The following KIF26B variants were observed in gnomAD, a reference collection of about 807,000 sequenced individuals.
KIF26B encodes the protein kinesin-like protein KIF26B.
In KIF26B, 63 loss-of-function variants were observed where a neutral mutation model predicts 151.2. That is an observed-to-expected ratio of 0.42 (90% CI 0.34 to 0.51). KIF26B has a LOEUF of 0.51. Among genes scored for constraint, KIF26B ranks in the 20% least tolerant of loss-of-function variants. The pLI is 0.07. For synonymous variants in KIF26B, 1,357 were observed against 1,262.1 expected (o/e 1.08, Z -1.59); for missense variants, 2,813 against 2,913.6 (o/e 0.97, Z 0.79).
At chr1:245,430,865 C>G (rs763163845) in intron 4 of KIF26B, among the ~76,000 whole-genome samples, 30 of 152,100 alleles carry the variant, frequency 2.0e-4, no homozygotes, top group Non-Finnish European at 3.8e-4. Context: ...TAGTAGGCAA[C>G]GCATAGGGAT....
chr1:245,539,798 A>G (rs188475408), intron 4 of KIF26B, among the ~76,000 whole-genome samples: 149 of 152,144 alleles, frequency 9.8e-4, no homozygotes, highest in Admixed American at 2.0e-3. Flanking sequence ...GATTACAGGC[A>G]TGCACCACCA....
rs115166856 is a variant in KIF26B at position 245,311,986 on chromosome 1, G to T, written c.466-54848G>T. Among the ~76,000 whole-genome samples, 229 of 152,328 alleles carry T rather than the reference G, an allele frequency of 1.5e-3. 3 individuals are homozygous for T. Among genetic ancestry groups the T allele is most frequent in the African/African-American group, 4.9e-3 (205 of 41,576 alleles). ...TCAGAATCAGCCACGCTGAATTGAGGTGAGGTTTTATGCATATCAGATTGA... is the reference window on the plus strand; with the variant it reads ...TCAGAATCAGCCACGCTGAATTGAGTTGAGGTTTTATGCATATCAGATTGA... On this transcript the variant is annotated intron_variant, in intron 2 of 14. Transcript: ENST00000407071.
intron 3 of KIF26B, among the ~76,000 whole-genome samples, chr1:245,391,769 CAT>C (rs1362616006): frequency 6.6e-6 from 1 of 151,580 alleles, no homozygotes; most frequent in Non-Finnish European, 1.5e-5. Flanking sequence ...TTTATGCCAA[CAT>C]GTGATGGGTT....
At chr1:245,155,680 A>C (rs574619030) in intron 1 of KIF26B, among the ~76,000 whole-genome samples, 193 bp downstream of exon 1, 3 of 152,268 alleles carry the variant, frequency 2.0e-5, no homozygotes, top group Admixed American at 2.0e-4. Context: ...TCGCTCTCGG[A>C]ATTTTTTCAG....
At chr1:245,547,045 A>G (rs138883458) in intron 5 of KIF26B, among the ~76,000 whole-genome samples, 5 of 152,184 alleles carry the variant, frequency 3.3e-5, no homozygotes, top group African/African-American at 9.7e-5. Context: ...GCCTCTGGAC[A>G]GCACATGCGC....
intron 2 of KIF26B, among the ~76,000 whole-genome samples, chr1:245,297,651 G>A (rs1201591834): frequency 6.6e-6 from 1 of 152,208 alleles, no homozygotes; most frequent in Non-Finnish European, 1.5e-5. Flanking sequence ...GAGAAAAGGA[G>A]TAGGCTCTGC....
chr1:245,303,410 G>T (rs576946152), intron 2 of KIF26B, among the ~76,000 whole-genome samples: 3 of 150,666 alleles, frequency 2.0e-5, no homozygotes, highest in East Asian at 1.9e-4. Flanking sequence ...GTGTTAGCCA[G>T]GATGGTCTCG....
At position 245,489,016 on chromosome 1, in the gene KIF26B, C is replaced by T. The variant is rs530709719; in HGVS notation, c.1167-51751C>T. On this transcript the variant is annotated intron_variant, in intron 4 of 14. Coordinates refer to ENST00000407071, the MANE Select transcript of KIF26B (RefSeq NM_018012.4). ...TCTAGGCTCCGGTACTCTAGAATCC[C>T]TTACAGTGGATTTGCATGGACAGGA... 4.3e-4 allele frequency among the ~76,000 whole-genome samples: 66 copies of T among 152,324 alleles called. No homozygotes were observed. In the South Asian group the frequency reaches 0.012, roughly 29 times the overall value.
At chr1:245,378,144 C>G (rs1249418667) in intron 3 of KIF26B, among the ~76,000 whole-genome samples, 1 of 152,058 alleles carries the variant, frequency 6.6e-6, no homozygotes, top group East Asian at 1.9e-4. Flanking sequence ...GAGCCTTGTT[C>G]CTTCTCTACC....
chr1:245,399,030 G>A (rs906637289), intron 3 of KIF26B, among the ~76,000 whole-genome samples: 8 of 152,040 alleles, frequency 5.3e-5, no homozygotes, highest in Non-Finnish European at 1.0e-4. Flanking sequence ...AATTAACATT[G>A]ATGAGTACCC....
chr1:245,308,535 T>A (rs954186061), intron 2 of KIF26B, among the ~76,000 whole-genome samples: 5 of 152,172 alleles, frequency 3.3e-5, no homozygotes, highest in Non-Finnish European at 7.3e-5. Flanking sequence ...GTGTGCAGCC[T>A]GGGTAACATA....
intron 4 of KIF26B, among the ~76,000 whole-genome samples, chr1:245,533,024 C>A (rs1661409459): frequency 6.6e-6 from 1 of 152,202 alleles, no homozygotes; most frequent in South Asian, 2.1e-4. Flanking sequence ...TGCCTCAGAA[C>A]GTAGGATCTT....
chr1:245,445,334 A>G (rs1659221799), intron 4 of KIF26B, among the ~76,000 whole-genome samples: 2 of 152,222 alleles, frequency 1.3e-5, no homozygotes, highest in Admixed American at 1.3e-4. Flanking sequence ...GCAGTGAATG[A>G]AAGTGTTCAT....
chr1:245,306,263 G>A (rs1269606701), intron 2 of KIF26B, among the ~76,000 whole-genome samples: 1 of 152,192 alleles, frequency 6.6e-6, no homozygotes, highest in Non-Finnish European at 1.5e-5. Context: ...ATTATGGTAA[G>A]TGAAAGAACC....
At chr1:245,165,515 A>G (rs1359721009) in intron 2 of KIF26B, among the ~76,000 whole-genome samples, 2 of 152,162 alleles carry the variant, frequency 1.3e-5, no homozygotes, top group Non-Finnish European at 2.9e-5. Flanking sequence ...AGGTGGAGAT[A>G]TGGATCTGGG....
intron 2 of KIF26B, among the ~76,000 whole-genome samples, chr1:245,325,737 C>A (rs1209099527): frequency 1.3e-5 from 2 of 152,160 alleles, no homozygotes; most frequent in East Asian, 3.9e-4. Flanking sequence ...AAAAAGAATC[C>A]ATTTCATCCA....
At chr1:245,450,814 G>T (rs1355865622) in intron 4 of KIF26B, among the ~76,000 whole-genome samples, 1 of 152,120 alleles carries the variant, frequency 6.6e-6, no homozygotes, top group Non-Finnish European at 1.5e-5. Context: ...AAAATAAAGA[G>T]ATATAGTATG....
chr1:245,325,619 G>A (rs1194367503), intron 2 of KIF26B, among the ~76,000 whole-genome samples: 2 of 152,134 alleles, frequency 1.3e-5, no homozygotes, highest in Non-Finnish European at 2.9e-5. Context: ...GCTGAGGCAG[G>A]AGAATCGCTT....
At chr1:245,699,180 C>G in intron 14 of KIF26B, 143 bp downstream of exon 14, 1 of 847,116 alleles carries the variant, frequency 1.2e-6, no homozygotes, top group Non-Finnish European at 1.8e-6. Context: ...GAAGTTGCAC[C>G]GAGCGAGCAG....
Sources: gnomAD v4.1 joint callset for allele counts (sites outside exome capture counted in the v4.1 genomes callset) on GRCh38, gnomAD v4.1.1 for gene constraint, MANE v1.5 for transcripts, NCBI Gene and HGNC (gene_info 2026-07-23, HGNC 2026-07-21) for gene names.